Variants in NOVA1 observed in about 807,000 individuals in gnomAD.
NOVA1 encodes NOVA alternative splicing regulator 1, also known as RNA-binding protein Nova-1.
A neutral mutation model predicts 38.0 loss-of-function variants in NOVA1; 7 were observed. That is an observed-to-expected ratio of 0.18 (90% CI 0.10 to 0.35). NOVA1 has a LOEUF of 0.35. Ranked by LOEUF, NOVA1 falls within the 10% of genes least tolerant of loss-of-function variation. The probability of loss-of-function intolerance (pLI) is 1.00; values close to 1 mark genes in which losing one functional copy is unlikely to be tolerated. For missense variants in NOVA1, 460 were observed against 616.0 expected (o/e 0.75, Z 2.68); for synonymous variants, 270 against 232.5 (o/e 1.16, Z -1.47).
intron 4 of NOVA1, among the ~76,000 whole-genome samples, chr14:26,470,772 GTT>G (rs1184083662): frequency 6.6e-6 from 1 of 151,836 alleles, no homozygotes; most frequent in Non-Finnish European, 1.5e-5. Context: ...TATTAAGGAG[GTT>G]TTCTTTTCTA....
At chr14:26,505,790 T>A (rs1887601441) in intron 2 of NOVA1, among the ~76,000 whole-genome samples, 1 of 152,180 alleles carries the variant, frequency 6.6e-6, no homozygotes, top group African/African-American at 2.4e-5. Context: ...TACTTGAGAT[T>A]CATTAACACA....
intron 2 of NOVA1, among the ~76,000 whole-genome samples, chr14:26,553,143 C>G (rs537439120): frequency 2.6e-5 from 4 of 152,268 alleles, no homozygotes; most frequent in African/African-American, 9.6e-5. Flanking sequence ...CTAGGCAAGA[C>G]AGGTAAAAGA....
chr14:26,588,216 T>G (rs184847466), intron 2 of NOVA1, among the ~76,000 whole-genome samples: 1 of 151,078 alleles, frequency 6.6e-6, no homozygotes. Context: ...TCTAAAATTT[T>G]TAAATTATTG....
At chr14:26,594,852 A>G (rs550979378) in intron 2 of NOVA1, among the ~76,000 whole-genome samples, 5 of 152,242 alleles carry the variant, frequency 3.3e-5, no homozygotes, top group East Asian at 3.9e-4. Flanking sequence ...CTTCTTGCAT[A>G]ACAGTATAAA....
intron 2 of NOVA1, among the ~76,000 whole-genome samples, chr14:26,551,882 T>G (rs1179249246): frequency 2.0e-5 from 3 of 152,004 alleles, no homozygotes; most frequent in African/African-American, 7.2e-5. Flanking sequence ...AAGAAAAAGA[T>G]TATTCTCACC....
chr14:26,446,840 G>A lies in NOVA1; in HGVS notation c.*1119C>T, dbSNP rs1258254376. On this transcript the variant is annotated 3_prime_UTR_variant, in exon 5 of 5. Coordinates refer to ENST00000539517, the MANE Select transcript of NOVA1 (RefSeq NM_002515.3). The stretch of plus-strand genomic sequence containing the variant: ...GCATGCAGGAAATACTGTCTGGTTG[G>A]TGACATAAAAATGCTCCACAAAACA... 2.0e-5 allele frequency: 3 copies of A among 152,604 alleles called. No individual in the cohort carries two copies. The highest frequency in any genetic ancestry group is 4.4e-5 in the Non-Finnish European group (3 of 68,034). 9.5% of individuals were successfully genotyped at this position (152,604 alleles called of 1,614,324 possible).
chr14:26,483,363 C>T (rs1363847140), intron 2 of NOVA1, among the ~76,000 whole-genome samples: 1 of 152,082 alleles, frequency 6.6e-6, no homozygotes, highest in Non-Finnish European at 1.5e-5. Flanking sequence ...TAATTTTTTT[C>T]TATTGAATAT....
chr14:26,596,596 AT>A, intron 1 of NOVA1: 1 of 1,289,134 alleles, frequency 7.8e-7, no homozygotes, highest in South Asian at 1.2e-5. Context: ...CATTGGGTGC[AT>A]TGTTAAGATG....
intron 2 of NOVA1, among the ~76,000 whole-genome samples, chr14:26,480,717 A>G (rs1327594777): frequency 6.6e-6 from 1 of 151,756 alleles, no homozygotes; most frequent in Non-Finnish European, 1.5e-5. Flanking sequence ...TGGAGTGTAA[A>G]TTTGTTTTGT....
chr14:26,532,357 G>A (rs1889777113), intron 2 of NOVA1, among the ~76,000 whole-genome samples: 2 of 152,002 alleles, frequency 1.3e-5, no homozygotes, highest in African/African-American at 2.4e-5. Context: ...CAATAAAAAG[G>A]AATAAATTAC....
At chr14:26,524,933 A>T (rs1889191573) in intron 2 of NOVA1, among the ~76,000 whole-genome samples, 2 of 152,204 alleles carry the variant, frequency 1.3e-5, no homozygotes, top group South Asian at 2.1e-4. Flanking sequence ...CCTTATCAGA[A>T]ATACTACGGC....
In NOVA1 at chr14:26,597,447, C is replaced by T. The variant is rs1318183672; in HGVS notation, c.-11G>A. On this transcript the variant is annotated 5_prime_UTR_variant, in exon 1 of 5. Coordinates refer to ENST00000539517, the MANE Select transcript of NOVA1 (RefSeq NM_002515.3). ...AGCTGCCGCCATCATGTTTGCAGTT[C>T]CTGCCGCTGCTACCGGGAGAAGGTT... The T allele has an allele frequency of 7.7e-7, 1 of 1,290,418 alleles. No individual in the cohort carries two copies. The highest frequency in any genetic ancestry group is 3.4e-5 in the Admixed American group (1 of 29,180). The allele number at this position is 1,290,418 out of a possible 1,614,324, so 79.9% of individuals were successfully genotyped here.
At position 26,490,542 on chromosome 14, in the gene NOVA1, G is replaced by A. The variant is rs139299416; in HGVS notation, c.281-10399C>T. On this transcript the variant is annotated intron_variant, in intron 2 of 4. Coordinates refer to ENST00000539517, the MANE Select transcript of NOVA1 (RefSeq NM_002515.3). ...TAGTAATAGCCATCCTAATAGGTGT[G>A]AAGAGCTATCTTGGAGTTTCGATTT... Among the ~76,000 whole-genome samples the A allele has an allele frequency of 3.3e-5, 5 of 152,318 alleles. No individual in the cohort carries two copies. The East Asian group carries it at 9.6e-4, about 29-fold the overall frequency.
chr14:26,587,363 G>A (rs1448020880), intron 2 of NOVA1, among the ~76,000 whole-genome samples: 3 of 147,614 alleles, frequency 2.0e-5, no homozygotes, highest in African/African-American at 7.4e-5. Context: ...AAATTTCTCA[G>A]GGTAAAGCAA....
intron 3 of NOVA1, 34 bp from the exon 4 acceptor site, chr14:26,472,425 C>T: frequency 1.9e-6 from 2 of 1,035,652 alleles, no homozygotes; most frequent in South Asian, 2.1e-5. Context: ...GCAAATCAAC[C>T]TTTATAAGCC....
At chr14:26,585,220 T>C (rs1183791833) in intron 2 of NOVA1, among the ~76,000 whole-genome samples, 2 of 151,356 alleles carry the variant, frequency 1.3e-5, no homozygotes, top group African/African-American at 4.8e-5. Context: ...ACAAAGTATG[T>C]AAAGACTCCG....
At chr14:26,534,695 T>G (rs1453735075) in intron 2 of NOVA1, among the ~76,000 whole-genome samples, 1 of 152,152 alleles carries the variant, frequency 6.6e-6, no homozygotes, top group Non-Finnish European at 1.5e-5. Context: ...CCTGGGAATG[T>G]CACTTTATAT....
intron 2 of NOVA1, among the ~76,000 whole-genome samples, chr14:26,553,325 T>A (rs992488338): frequency 2.0e-5 from 3 of 152,194 alleles, no homozygotes; most frequent in Non-Finnish European, 2.9e-5. Flanking sequence ...CCTTAGTTCT[T>A]CCTTATCCAG....
intron 2 of NOVA1, among the ~76,000 whole-genome samples, chr14:26,581,171 C>A (rs903287481): frequency 3.9e-5 from 6 of 152,032 alleles, no homozygotes; most frequent in African/African-American, 1.4e-4. Context: ...TGGTCTGACA[C>A]CACATGTTCT....
Sources: allele counts gnomAD v4.1 joint callset (sites outside exome capture counted in the v4.1 genomes callset), GRCh38; gene constraint gnomAD v4.1.1; transcripts MANE v1.5; gene names NCBI Gene and HGNC (gene_info 2026-07-23, HGNC 2026-07-21).